Variants in FSTL5 observed in about 807,000 individuals in gnomAD.
FSTL5 encodes the protein follistatin-related protein 5.
In FSTL5, 62 loss-of-function variants were observed where a neutral mutation model predicts 89.1. The ratio of observed to expected loss-of-function variants is 0.70; its 90% CI spans 0.57 to 0.86. FSTL5 has a LOEUF of 0.86. FSTL5 is among the 40% of genes least tolerant of loss of function. FSTL5 has a pLI of 0.00. For synonymous variants in FSTL5, 383 were observed against 346.2 expected (o/e 1.11, Z -1.18); for missense variants, 1,057 against 1,001.6 (o/e 1.06, Z -0.75).
rs369849580 is a variant in FSTL5 at position 161,695,279 on chromosome 4, C to T, written c.728-38785G>A. ...ATGCCTTTGCATCCTCATAGCTTAGCTCCCACTTATGAGTAAGAACATACG... is the reference window on the plus strand; with the variant it reads ...ATGCCTTTGCATCCTCATAGCTTAGTTCCCACTTATGAGTAAGAACATACG... On this transcript the variant is annotated intron_variant, in intron 6 of 15. Coordinates refer to ENST00000306100, the MANE Select transcript of FSTL5 (RefSeq NM_020116.5). 1.1e-4 allele frequency among the ~76,000 whole-genome samples: 17 copies of T among 152,192 alleles called. No individual in the cohort carries two copies. The East Asian group carries it at 2.5e-3, about 23-fold the overall frequency.
chr4:161,682,806 G>A (rs1283322630), intron 6 of FSTL5, among the ~76,000 whole-genome samples: 1 of 151,996 alleles, frequency 6.6e-6, no homozygotes, highest in Non-Finnish European at 1.5e-5. Context: ...GGGTGCAATG[G>A]CATGATCTTG....
chr4:161,679,209 T>C (rs1160804557), intron 6 of FSTL5, among the ~76,000 whole-genome samples: 1 of 149,872 alleles, frequency 6.7e-6, no homozygotes. Context: ...AAATAAATAT[T>C]GCAAAAGCAT....
At chr4:161,653,668 T>C (rs999756739) in intron 7 of FSTL5, among the ~76,000 whole-genome samples, 1 of 152,164 alleles carries the variant, frequency 6.6e-6, no homozygotes, top group Non-Finnish European at 1.5e-5. Flanking sequence ...TTAGCAAATT[T>C]TAAGCATAAA....
At chr4:161,834,890 T>G (rs1355120853) in intron 4 of FSTL5, among the ~76,000 whole-genome samples, 1 of 151,322 alleles carries the variant, frequency 6.6e-6, no homozygotes, top group Non-Finnish European at 1.5e-5. Context: ...AGGTAATTTA[T>G]AGATTCAATG....
At chr4:161,648,945 A>G (rs114008271) in intron 7 of FSTL5, among the ~76,000 whole-genome samples, 2,153 of 152,288 alleles carry the variant, frequency 0.014, 45 homozygotes, top group African/African-American at 0.047. Context: ...TCTTCGGGCA[A>G]TGGTTCAGAT....
intron 6 of FSTL5, among the ~76,000 whole-genome samples, chr4:161,726,646 A>G (rs1289938226): frequency 6.6e-6 from 1 of 152,190 alleles, no homozygotes; most frequent in African/African-American, 2.4e-5. Flanking sequence ...TGCATCACAT[A>G]GGACTATTAC....
At chr4:161,903,574 T>C (rs939979947) in intron 4 of FSTL5, among the ~76,000 whole-genome samples, 1 of 152,038 alleles carries the variant, frequency 6.6e-6, no homozygotes, top group Admixed American at 6.6e-5. Flanking sequence ...AAATTTTTTA[T>C]GTTTAAAACC....
At chr4:161,744,376 T>C (rs536846173) in intron 6 of FSTL5, among the ~76,000 whole-genome samples, 132 of 152,256 alleles carry the variant, frequency 8.7e-4, no homozygotes, top group African/African-American at 2.7e-3. Flanking sequence ...CATCCTCACA[T>C]TGTTATGATG....
At chr4:161,605,407 A>G (rs1291895339) in intron 7 of FSTL5, among the ~76,000 whole-genome samples, 1 of 152,174 alleles carries the variant, frequency 6.6e-6, no homozygotes, top group East Asian at 1.9e-4. Context: ...AGATATGTAT[A>G]TCTTAAATAC....
intron 2 of FSTL5, chr4:162,042,189 A>T (rs1737990549): frequency 6.6e-6 from 1 of 152,104 alleles, no homozygotes; most frequent in Non-Finnish European, 1.5e-5. Context: ...AAGCAAATTC[A>T]TGTGTGTCTA....
chr4:161,455,044 A>C lies in FSTL5; in HGVS notation c.1801T>G (p.Phe601Val), dbSNP rs888980551. ...VGKQFDRVDD[F>V]FIPTTTLIIT... is the part of the protein sequence containing the mutation. ...ATGAGTGTTGTGGTGGGAATGAAAA[A>C]ATCATCCACTCTGTCAAATTGCTTT... The change falls in exon 15 of 16, where the codon TTT (phenylalanine) becomes GTT (valine). Residue 601 changes from phenylalanine (F) to valine (V), a missense_variant. Coordinates refer to ENST00000306100, the MANE Select transcript of FSTL5 (RefSeq NM_020116.5). 1 of 1,613,684 alleles carries C rather than the reference A, an allele frequency of 6.2e-7. No individual in the cohort carries two copies. Among genetic ancestry groups the C allele is most frequent in the Non-Finnish European group, 8.5e-7 (1 of 1,179,794 alleles).
intron 4 of FSTL5, among the ~76,000 whole-genome samples, chr4:161,806,100 T>C (rs1269436506): frequency 6.6e-6 from 1 of 152,084 alleles, no homozygotes; most frequent in African/African-American, 2.4e-5. Context: ...ATATGCCCCA[T>C]AGGTAAGAAA....
Position 161,947,684 on chromosome 4 carries a change from T to TC in FSTL5, c.161-27033_161-27032insG, listed in dbSNP as rs201377551. ...TCTTTTATTTCTTCATTATATGTTT[T>TC]TCAGAATACTTTGGGCTAGTCGAGA... On this transcript the variant is annotated intron_variant, in intron 3 of 15. Transcript: ENST00000306100. Among the ~76,000 whole-genome samples, 1,097 of 152,278 alleles carry TC rather than the reference T, an allele frequency of 7.2e-3. 16 individuals are homozygous for TC. The highest frequency in any genetic ancestry group is 0.025 in the African/African-American group (1,050 of 41,564).
intron 10 of FSTL5, among the ~76,000 whole-genome samples, chr4:161,517,609 T>G (rs1304629376): frequency 6.9e-6 from 1 of 144,602 alleles, no homozygotes; most frequent in African/African-American, 2.5e-5. Context: ...ATGTGGAGAG[T>G]TGAATGATGT....
chr4:161,993,718 T>C (rs1177381422), intron 3 of FSTL5, among the ~76,000 whole-genome samples: 5 of 152,012 alleles, frequency 3.3e-5, no homozygotes, highest in East Asian at 1.9e-4. Context: ...GCTTGTTGTG[T>C]AGATTTGGGG....
At chr4:161,574,835 T>C (rs1733156250) in intron 8 of FSTL5, among the ~76,000 whole-genome samples, 1 of 152,198 alleles carries the variant, frequency 6.6e-6, no homozygotes, top group African/African-American at 2.4e-5. Flanking sequence ...TATAGTAGAA[T>C]GATTCATAAT....
At chr4:161,759,351 A>G in intron 6 of FSTL5, 60 bp downstream of exon 6, 3 of 1,497,088 alleles carry the variant, frequency 2.0e-6, no homozygotes, top group Non-Finnish European at 1.8e-6. Flanking sequence ...AATAGACCAT[A>G]TTGTGTAAAG....
At chr4:161,588,084 C>A (rs1396507487) in intron 7 of FSTL5, among the ~76,000 whole-genome samples, 1 of 152,040 alleles carries the variant, frequency 6.6e-6, no homozygotes, top group Non-Finnish European at 1.5e-5. Context: ...TGAGGCAGGA[C>A]AATTGCTTGA....
intron 3 of FSTL5, among the ~76,000 whole-genome samples, chr4:162,009,979 T>TAA (rs200387858): frequency 1.5e-4 from 22 of 143,014 alleles, no homozygotes; most frequent in Non-Finnish European, 2.3e-4. Context: ...GTTTGTTTTG[T>TAA]AAAAAAAAAA....
Sources: gnomAD v4.1 joint callset for allele counts (sites outside exome capture counted in the v4.1 genomes callset) on GRCh38, gnomAD v4.1.1 for gene constraint, MANE v1.5 for transcripts, NCBI Gene and HGNC (gene_info 2026-07-23, HGNC 2026-07-21) for gene names.